The following RABGAP1L variants were observed in gnomAD, a reference collection of about 807,000 sequenced individuals.
RABGAP1L encodes rab GTPase-activating protein 1-like.
Under a neutral mutation model 137.7 loss-of-function variants are expected in RABGAP1L, and 63 were observed. The ratio of observed to expected loss-of-function variants is 0.46; its 90% CI spans 0.37 to 0.56. RABGAP1L has a LOEUF of 0.56. RABGAP1L is among the 20% of genes least tolerant of loss of function. RABGAP1L has a pLI of 0.00. For missense variants in RABGAP1L, 1,095 were observed against 1,244.0 expected, an observed-to-expected ratio of 0.88 and a Z score of 1.80; for synonymous variants, 431 against 433.7, an observed-to-expected ratio of 0.99 and a Z score of 0.08.
At chr1:174,492,785 G>A (rs1348469221) in intron 13 of RABGAP1L, among the ~76,000 whole-genome samples, 1 of 151,944 alleles carries the variant, frequency 6.6e-6, no homozygotes, top group Admixed American at 6.6e-5. Flanking sequence ...CTTTGAATAA[G>A]TCCTACGGAT....
chr1:174,986,974 C>T (rs1297346791), intron 24 of RABGAP1L, among the ~76,000 whole-genome samples: 4 of 152,252 alleles, frequency 2.6e-5, no homozygotes, highest in Admixed American at 2.6e-4. Context: ...TTACAATATG[C>T]CTATACTGGG....
At chr1:174,816,941 G>A (rs890801165) in intron 19 of RABGAP1L, among the ~76,000 whole-genome samples, 9 of 151,994 alleles carry the variant, frequency 5.9e-5, no homozygotes, top group Non-Finnish European at 1.3e-4. Context: ...ATGTTGGCCA[G>A]GATAGTCTCG....
chr1:174,448,325 C>T lies in RABGAP1L; in HGVS notation c.1710+54180C>T. 6.2e-7 allele frequency: 1 copy of T among 1,613,496 alleles called. No homozygotes were observed. The highest frequency in any genetic ancestry group is 2.2e-5 in the East Asian group (1 of 44,878). ...TGTCTTTCATTGTGCTCCACTGTTA[C>T]ATCATTATACTACCAGCTATTTCAT... On this transcript the variant is annotated intron_variant, in intron 13 of 25. Coordinates refer to ENST00000681986, the MANE Select transcript of RABGAP1L (RefSeq NM_001366446.1). The surrounding 1 kb of genome is among the most constrained non-coding windows in gnomAD (Gnocchi z 4.2).
chr1:174,246,960 T>C (rs529131534), intron 5 of RABGAP1L, among the ~76,000 whole-genome samples: 18 of 152,252 alleles, frequency 1.2e-4, no homozygotes, highest in Non-Finnish European at 2.5e-4. Flanking sequence ...AAATGCAATT[T>C]GATTGCTGTT....
chr1:174,502,709 CAT>C (rs1018750621), intron 13 of RABGAP1L, among the ~76,000 whole-genome samples: 2 of 146,776 alleles, frequency 1.4e-5, no homozygotes, highest in Non-Finnish European at 3.0e-5. Flanking sequence ...CATATATGTG[CAT>C]ATATATACAC....
intron 13 of RABGAP1L, among the ~76,000 whole-genome samples, chr1:174,636,874 A>G (rs1674090159): frequency 6.6e-6 from 1 of 152,226 alleles, no homozygotes; most frequent in Non-Finnish European, 1.5e-5. Flanking sequence ...TGTATAAAAT[A>G]TTCCTTATGA....
At chr1:174,942,291 T>C (rs1016281449) in intron 19 of RABGAP1L, among the ~76,000 whole-genome samples, 6 of 152,172 alleles carry the variant, frequency 3.9e-5, no homozygotes, top group Admixed American at 2.0e-4. Context: ...CTCTAGATAA[T>C]AAAGAAGGAC....
chr1:174,603,149 A>T (rs2148179901), intron 13 of RABGAP1L, among the ~76,000 whole-genome samples: 1 of 152,288 alleles, frequency 6.6e-6, no homozygotes, highest in Non-Finnish European at 1.5e-5. Flanking sequence ...TTTGATCACT[A>T]CAGCTATATC....
rs887235924 is a variant in RABGAP1L at position 174,221,046 on chromosome 1, C to T, written c.213C>T (p.Ser71=). Residue 71 remains serine, a synonymous_variant, in exon 3 of 26, where the codon AGC becomes AGT. Coordinates refer to ENST00000681986, the MANE Select transcript of RABGAP1L (RefSeq NM_001366446.1). ...EILRDSEKRP[S]SLLVDCQSSS... is the part of the protein sequence containing the mutation. The stretch of plus-strand genomic sequence containing the variant: ...TGAGAGATTCCGAGAAAAGGCCAAG[C>T]AGTCTTCTTGTTGATTGTCAAAGTT... 7 of 1,613,710 alleles carry T rather than the reference C, an allele frequency of 4.3e-6. No individual in the cohort carries two copies. In the African/African-American group the frequency reaches 6.7e-5, roughly 15 times the overall value.
chr1:174,687,175 A>G (rs909120313), intron 15 of RABGAP1L, among the ~76,000 whole-genome samples: 1 of 152,140 alleles, frequency 6.6e-6, no homozygotes, highest in Non-Finnish European at 1.5e-5. Flanking sequence ...GATTCAAATA[A>G]CGAGAGCTCA....
chr1:174,691,068 G>A (rs1488755490), intron 15 of RABGAP1L, among the ~76,000 whole-genome samples: 1 of 151,954 alleles, frequency 6.6e-6, no homozygotes, highest in Non-Finnish European at 1.5e-5. Context: ...CTGACCTCAA[G>A]TGATCACACA....
intron 22 of RABGAP1L, among the ~76,000 whole-genome samples, chr1:174,977,223 T>C (rs1437616012): frequency 6.6e-6 from 1 of 152,252 alleles, no homozygotes; most frequent in African/African-American, 2.4e-5. Context: ...TTCCATGGTT[T>C]CTTTTTCCTT....
chr1:174,414,669 G>A (rs1027485212), intron 13 of RABGAP1L, among the ~76,000 whole-genome samples: 40 of 152,018 alleles, frequency 2.6e-4, no homozygotes, highest in Non-Finnish European at 4.9e-4. Context: ...TTGATTTAAA[G>A]TTACAAATTT....
chr1:174,622,866 C>G (rs115421332), intron 13 of RABGAP1L, among the ~76,000 whole-genome samples: 1,654 of 152,012 alleles, frequency 0.011, 31 homozygotes, highest in African/African-American at 0.038. Context: ...TAAAAAATAC[C>G]GAAATTTTTG....
chr1:174,626,089 G>T (rs12067791), intron 13 of RABGAP1L, among the ~76,000 whole-genome samples: 9,639 of 152,240 alleles, frequency 0.063, 1,000 homozygotes, highest in African/African-American at 0.22. Context: ...ATTATTGCCT[G>T]TTGATATTAA....
intron 19 of RABGAP1L, among the ~76,000 whole-genome samples, chr1:174,819,550 GAGAGCAA>G (rs1430412120): frequency 6.6e-6 from 1 of 152,150 alleles, no homozygotes; most frequent in Non-Finnish European, 1.5e-5. Flanking sequence ...AAAGATATAT[GAGAGCAA>G]AGAGCAAAGG....
At chr1:174,926,734 A>G (rs554773717) in intron 19 of RABGAP1L, among the ~76,000 whole-genome samples, 4 of 152,200 alleles carry the variant, frequency 2.6e-5, no homozygotes, top group South Asian at 4.1e-4. Flanking sequence ...TTTTAACTTT[A>G]TATTTATTAC....
At chr1:174,368,121 A>G (rs543172767) in intron 11 of RABGAP1L, 1 of 152,482 alleles carries the variant, frequency 6.6e-6, no homozygotes, top group East Asian at 1.9e-4. Flanking sequence ...ACACGCAAGC[A>G]GACTGCCGGG....
At chr1:174,596,828 T>A (rs146577700) in intron 13 of RABGAP1L, among the ~76,000 whole-genome samples, 103 of 152,318 alleles carry the variant, frequency 6.8e-4, no homozygotes, top group Non-Finnish European at 1.2e-3. Flanking sequence ...GTTTTACGCA[T>A]ATGTAGATGT....
Sources: allele counts gnomAD v4.1 joint callset (sites outside exome capture counted in the v4.1 genomes callset), GRCh38; gene constraint gnomAD v4.1.1; non-coding constraint Gnocchi (gnomAD v3.1); transcripts MANE v1.5; gene names NCBI Gene and HGNC (gene_info 2026-07-23, HGNC 2026-07-21).